NCALD: variants seen among roughly 807,000 people sequenced by gnomAD.
NCALD encodes neurocalcin-delta.
NCALD carries 10 observed loss-of-function variants against 18.6 expected under a neutral mutation model. The observed-to-expected ratio is 0.54, with a 90% CI of 0.33 to 0.91. NCALD has a LOEUF of 0.91. NCALD is among the 40% of genes least tolerant of loss of function. The pLI is 0.03. For synonymous variants in NCALD, 88 were observed against 87.4 expected, an observed-to-expected ratio of 1.01 and a Z score of -0.04; for missense variants, 184 against 247.6, an observed-to-expected ratio of 0.74 and a Z score of 1.72.
At chr8:101,895,780 C>T (rs1264970) in intron 3 of NCALD, among the ~76,000 whole-genome samples, 49,063 of 138,200 alleles carry the variant, frequency 0.36, 12,014 homozygotes, top group African/African-American at 0.68. Flanking sequence ...TCAAAGAGAA[C>T]AAAATACTTA....
intron 2 of NCALD, among the ~76,000 whole-genome samples, chr8:101,949,861 T>G (rs1025930919): frequency 2.6e-5 from 4 of 152,160 alleles, no homozygotes; most frequent in Non-Finnish European, 5.9e-5. Context: ...GACACAACAT[T>G]GAGTCAGAAA....
At chr8:101,879,667 T>C (rs1563851952) in intron 4 of NCALD, among the ~76,000 whole-genome samples, 1 of 152,178 alleles carries the variant, frequency 6.6e-6, no homozygotes, top group Non-Finnish European at 1.5e-5. Context: ...TACAGAGAGC[T>C]GATTGGTCTG....
intron 3 of NCALD, among the ~76,000 whole-genome samples, chr8:101,905,873 A>T (rs1817594535): frequency 6.6e-6 from 1 of 152,242 alleles, no homozygotes; most frequent in Non-Finnish European, 1.5e-5. Flanking sequence ...TTAGATGTAG[A>T]CTACTTTGAA....
intron 1 of NCALD, among the ~76,000 whole-genome samples, chr8:101,775,380 A>G (rs1019631748): frequency 1.3e-5 from 2 of 152,098 alleles, no homozygotes; most frequent in Non-Finnish European, 2.9e-5. Flanking sequence ...AGATACCTAT[A>G]GAGATTAGGA....
intron 3 of NCALD, among the ~76,000 whole-genome samples, chr8:101,897,714 G>T (rs1459089288): frequency 1.3e-5 from 2 of 152,120 alleles, no homozygotes; most frequent in Non-Finnish European, 2.9e-5. Context: ...CATGGTAAAT[G>T]TATGTTTAGT....
intron 2 of NCALD, among the ~76,000 whole-genome samples, chr8:101,940,881 C>T (rs1274854590): frequency 6.6e-6 from 1 of 152,172 alleles, no homozygotes; most frequent in Admixed American, 6.5e-5. Context: ...GCTCCACAGG[C>T]TTCCAAACAG....
intron 1 of NCALD, among the ~76,000 whole-genome samples, chr8:102,070,791 C>T (rs1232121142): frequency 1.3e-5 from 2 of 152,192 alleles, no homozygotes; most frequent in African/African-American, 4.8e-5. Context: ...AGTTCACAGT[C>T]CCATGTGTCT....
chr8:101,794,706 C>A (rs1208392507), upstream of NCALD, among the ~76,000 whole-genome samples: 1 of 152,116 alleles, frequency 6.6e-6, no homozygotes, highest in African/African-American at 2.4e-5. Context: ...GAGGCAGGCA[C>A]TATTCCATAT....
chr8:101,927,128 C>A (rs968647240), intron 2 of NCALD, among the ~76,000 whole-genome samples: 15 of 152,288 alleles, frequency 9.8e-5, no homozygotes, highest in East Asian at 1.9e-4. Context: ...CTAGCATGAT[C>A]CTCACCTTGC....
At chr8:101,699,334 A>G (rs1024595093) in intron 2 of NCALD, among the ~76,000 whole-genome samples, 1 of 152,222 alleles carries the variant, frequency 6.6e-6, no homozygotes, top group Non-Finnish European at 1.5e-5. Context: ...TAGTTCGACC[A>G]TTGTGGAAGA....
At chr8:101,985,144 C>T (rs918978115) in intron 2 of NCALD, among the ~76,000 whole-genome samples, 7 of 152,222 alleles carry the variant, frequency 4.6e-5, no homozygotes, top group South Asian at 2.1e-4. Context: ...CGCCGCCATG[C>T]TGCGTGGAAG....
chr8:102,041,318 C>T (rs1462400075), intron 1 of NCALD, among the ~76,000 whole-genome samples: 1 of 152,210 alleles, frequency 6.6e-6, no homozygotes, highest in Non-Finnish European at 1.5e-5. Context: ...ACTAAAAACA[C>T]TTGACCTTAT....
At chr8:102,040,276 C>A (rs2051249) in intron 1 of NCALD, among the ~76,000 whole-genome samples, 20,371 of 152,018 alleles carry the variant, frequency 0.13, 1,671 homozygotes, top group African/African-American at 0.22. Flanking sequence ...AGGTTTGAGA[C>A]CAGCCTGGCC....
chr8:101,905,154 A>T (rs1011499468), intron 3 of NCALD, among the ~76,000 whole-genome samples: 5 of 152,090 alleles, frequency 3.3e-5, no homozygotes, highest in African/African-American at 1.2e-4. Flanking sequence ...TTGTTTCTTC[A>T]GAGCTCCTCT....
intron 1 of NCALD, chr8:102,124,110 C>T (rs1052523738): frequency 6.6e-6 from 1 of 152,190 alleles, no homozygotes; most frequent in Non-Finnish European, 1.5e-5. Context: ...CTCGAACCCA[C>T]CCCTGCGCCC....
chr8:102,109,441 T>C (rs1191324192), intron 1 of NCALD, among the ~76,000 whole-genome samples: 2 of 152,272 alleles, frequency 1.3e-5, no homozygotes, highest in Middle Eastern at 3.4e-3. Context: ...AATAATGATT[T>C]TTTTGAAAGT....
At chr8:101,931,162 A>G (rs934544190) in intron 2 of NCALD, among the ~76,000 whole-genome samples, 1 of 152,218 alleles carries the variant, frequency 6.6e-6, no homozygotes, top group Non-Finnish European at 1.5e-5. Flanking sequence ...AGTACTCATT[A>G]TCTGGGTTCC....
intron 1 of NCALD, among the ~76,000 whole-genome samples, chr8:102,037,981 A>G (rs1586961390): frequency 6.6e-6 from 1 of 152,192 alleles, no homozygotes; most frequent in African/African-American, 2.4e-5. Context: ...CATGTATCCA[A>G]ATAAGGTGTC....
At chr8:102,075,204 C>T (rs116656718) in intron 1 of NCALD, among the ~76,000 whole-genome samples, 314 of 152,300 alleles carry the variant, frequency 2.1e-3, no homozygotes, top group African/African-American at 7.3e-3. Flanking sequence ...AAGTAGACAA[C>T]TCACAGCAAG....
Sources: allele counts gnomAD v4.1 joint callset (sites outside exome capture counted in the v4.1 genomes callset), GRCh38; gene constraint gnomAD v4.1.1; transcripts MANE v1.5; gene names NCBI Gene and HGNC (gene_info 2026-07-23, HGNC 2026-07-21).